PRRC2B: variants seen among roughly 807,000 people sequenced by gnomAD.
PRRC2B encodes proline rich coiled-coil 2B.
PRRC2B carries 68 observed loss-of-function variants against 242.3 expected under a neutral mutation model. That is an observed-to-expected ratio of 0.28 (90% CI 0.23 to 0.34). The LOEUF is 0.34. Ranked by LOEUF, PRRC2B falls within the 10% of genes least tolerant of loss-of-function variation. The pLI is 1.00. For missense variants in PRRC2B, 2,835 were observed against 2,954.8 expected (o/e 0.96, Z 0.94); for synonymous variants, 1,228 against 1,173.6 (o/e 1.05, Z -0.95).
intron 4 of PRRC2B, 105 bp downstream of exon 4, chr9:131,436,827 C>A: frequency 1.1e-6 from 1 of 883,112 alleles, no homozygotes; most frequent in Non-Finnish European, 1.8e-6. Context: ...TGTGGTTGTG[C>A]ATGACCTGTC....
chr9:131,464,189 G>A (rs549532817), intron 11 of PRRC2B, among the ~76,000 whole-genome samples: 3 of 152,292 alleles, frequency 2.0e-5, no homozygotes, highest in East Asian at 1.9e-4. Flanking sequence ...TGATCCACCC[G>A]CCTCAGACTC....
chr9:131,426,363 AAAAG>A (rs1279238706), intron 1 of PRRC2B, among the ~76,000 whole-genome samples: 80 of 151,390 alleles, frequency 5.3e-4, no homozygotes, highest in African/African-American at 1.8e-3. Flanking sequence ...AAAAAAAAGA[AAAAG>A]AAAAAAAGAA....
chr9:131,462,743 C>G (rs1456730787), intron 11 of PRRC2B, among the ~76,000 whole-genome samples: 1 of 142,728 alleles, frequency 7.0e-6, no homozygotes, highest in Non-Finnish European at 1.5e-5. Context: ...GAGGCTGAGG[C>G]AGGAGAATTG....
At chr9:131,456,043 G>A (rs1001430728) in intron 10 of PRRC2B, among the ~76,000 whole-genome samples, 1 of 151,940 alleles carries the variant, frequency 6.6e-6, no homozygotes, top group African/African-American at 2.4e-5. Context: ...AACCCAGGAG[G>A]CAGAGGTTGC....
intron 1 of PRRC2B, among the ~76,000 whole-genome samples, chr9:131,426,372 AAAG>A (rs1383727209): frequency 1.2e-3 from 178 of 151,602 alleles, no homozygotes; most frequent in Middle Eastern, 0.01. Flanking sequence ...AAAAAGAAAA[AAAG>A]AAGAAGAAGA....
intron 24 of PRRC2B, 21 bp from the exon 25 acceptor site, chr9:131,484,927 C>T: frequency 6.3e-7 from 1 of 1,597,876 alleles, no homozygotes. Flanking sequence ...TTCATCCCTC[C>T]CCCTCCCCTT....
intron 1 of PRRC2B, among the ~76,000 whole-genome samples, chr9:131,400,000 GTTCTTCTC>G (rs1261829450): frequency 6.6e-6 from 1 of 152,124 alleles, no homozygotes; most frequent in Non-Finnish European, 1.5e-5. Context: ...TTGCAGGTTT[GTTCTTCTC>G]TTCTGGACAG....
chr9:131,398,356 G>C (rs1031769679), intron 1 of PRRC2B, among the ~76,000 whole-genome samples: 1 of 152,230 alleles, frequency 6.6e-6, no homozygotes, highest in African/African-American at 2.4e-5. Flanking sequence ...AGCATCCTTC[G>C]TCCGAGCTGA....
intron 1 of PRRC2B, among the ~76,000 whole-genome samples, chr9:131,410,886 C>T (rs2131296469): frequency 6.6e-6 from 1 of 152,098 alleles, no homozygotes. Flanking sequence ...TTTCTGATTT[C>T]TTAACTTGGA....
At chr9:131,465,439 A>C (rs1371919879) in intron 12 of PRRC2B, among the ~76,000 whole-genome samples, 1 of 151,730 alleles carries the variant, frequency 6.6e-6, no homozygotes, top group Non-Finnish European at 1.5e-5. Context: ...TGAGCACCTC[A>C]CCTCTCTGAA....
At chr9:131,409,214 G>A (rs1222580427) in intron 1 of PRRC2B, among the ~76,000 whole-genome samples, 2 of 151,948 alleles carry the variant, frequency 1.3e-5, no homozygotes, top group African/African-American at 4.8e-5. Context: ...TAGAGATGGG[G>A]TTTCTCCATG....
At position 131,386,198 on chromosome 9, in the gene PRRC2B, G is replaced by A. The variant is rs1588233820; in HGVS notation, c.-56+12467G>A. Among the ~76,000 whole-genome samples, 3 of 149,598 alleles carry A rather than the reference G, an allele frequency of 2.0e-5. 1 individual carries two copies. In the Admixed American group the frequency reaches 2.1e-4, roughly 10 times the overall value. On this transcript the variant is annotated intron_variant, in intron 1 of 1. Transcript: ENST00000682525. ...CGTGAACATGTCTCACTGCAGCCTC[G>A]ACTTCCTGGGCTCAAGCAATCCTCC...
chr9:131,374,821 C>G (rs987114718), intron 1 of PRRC2B, among the ~76,000 whole-genome samples: 2 of 152,202 alleles, frequency 1.3e-5, no homozygotes, highest in South Asian at 2.1e-4. Context: ...GCCACCATGC[C>G]CAGCCGATTT....
chr9:131,493,092 G>A (rs532737785), intron 30 of PRRC2B, among the ~76,000 whole-genome samples: 4 of 152,202 alleles, frequency 2.6e-5, no homozygotes, highest in South Asian at 2.1e-4. Context: ...TCTGCAAGCC[G>A]GGCCCCCATG....
intron 5 of PRRC2B, among the ~76,000 whole-genome samples, chr9:131,443,460 G>T (rs1360603835): frequency 6.9e-6 from 1 of 145,208 alleles, no homozygotes; most frequent in South Asian, 2.2e-4. Context: ...TAGAGAGAGG[G>T]TCTCACTTTG....
At chr9:131,434,628 C>G (rs1294368648) in intron 3 of PRRC2B, among the ~76,000 whole-genome samples, 2 of 152,220 alleles carry the variant, frequency 1.3e-5, no homozygotes, top group Non-Finnish European at 2.9e-5. Flanking sequence ...TTGTAATAAT[C>G]ACGAATGGTG....
chr9:131,397,563 G>GTTTTTTTTTTTTT (rs58424444), intron 1 of PRRC2B, among the ~76,000 whole-genome samples: 8 of 98,986 alleles, frequency 8.1e-5, no homozygotes, highest in Admixed American at 2.3e-4. Flanking sequence ...ACTTTTGAGG[G>GTTTTTTTTTTTTT]TTTTTTTTTT....
Position 131,499,678 on chromosome 9 carries a change from C to G in PRRC2B, c.*3804C>G, listed in dbSNP as rs1373418437. 6.6e-6 allele frequency: 1 copy of G among 152,142 alleles called. No individual in the cohort carries two copies. Among genetic ancestry groups the G allele is most frequent in the Non-Finnish European group, 1.5e-5 (1 of 68,030 alleles). The allele number at this position is 152,142 out of a possible 1,614,324, so 9.4% of individuals were successfully genotyped here. ...GAGACCTGCTCTTCACTGTTTCCACCCCACTTGGTGGCCTCCAGGATGGTA... is the reference window on the plus strand; with the variant it reads ...GAGACCTGCTCTTCACTGTTTCCACGCCACTTGGTGGCCTCCAGGATGGTA... On this transcript the variant is annotated 3_prime_UTR_variant, in exon 32 of 32. Transcript: ENST00000683519.
intron 3 of PRRC2B, among the ~76,000 whole-genome samples, chr9:131,436,076 T>G (rs1838359084): frequency 6.6e-6 from 1 of 152,224 alleles, no homozygotes; most frequent in Non-Finnish European, 1.5e-5. Context: ...GGGTCTGGGG[T>G]AAGGGGCACA....
Sources: gnomAD v4.1 joint callset for allele counts (sites outside exome capture counted in the v4.1 genomes callset) on GRCh38, gnomAD v4.1.1 for gene constraint, MANE v1.5 for transcripts, NCBI Gene and HGNC (gene_info 2026-07-23, HGNC 2026-07-21) for gene names.